TBC1D19: variants seen among roughly 807,000 people sequenced by gnomAD.
The protein encoded by TBC1D19 is TBC1 domain family member 19.
Under a neutral mutation model 89.0 loss-of-function variants are expected in TBC1D19, and 60 were observed. The ratio of observed to expected loss-of-function variants is 0.67; its 90% CI spans 0.55 to 0.84. The LOEUF (loss-of-function observed/expected upper bound fraction) is 0.84. TBC1D19 is among the 40% of genes least tolerant of loss of function. TBC1D19 has a pLI of 0.00. For missense variants in TBC1D19, 500 were observed against 610.8 expected (o/e 0.82, Z 1.91); for synonymous variants, 189 against 199.7 (o/e 0.95, Z 0.45).
intron 3 of TBC1D19, among the ~76,000 whole-genome samples, chr4:26,619,183 C>G (rs1296107715): frequency 1.3e-5 from 2 of 151,432 alleles, no homozygotes; most frequent in African/African-American, 4.8e-5. Context: ...TCAGTAAAGT[C>G]TCTCAAATTT....
At chr4:26,767,401 C>T in the TBC1D19 span, among the ~76,000 whole-genome samples, 895 of 152,138 alleles carry the variant, frequency 5.9e-3, 7 homozygotes, top group Admixed American at 0.018. Flanking sequence ...CATTTCTGTC[C>T]GAGATGGACT....
At chr4:26,771,352 G>T in the TBC1D19 span, among the ~76,000 whole-genome samples, 1 of 152,150 alleles carries the variant, frequency 6.6e-6, no homozygotes, top group Admixed American at 6.5e-5. Flanking sequence ...TTATCCAAAA[G>T]AATTGAAATC....
chr4:26,822,094 C>T, the TBC1D19 span, among the ~76,000 whole-genome samples: 1 of 152,192 alleles, frequency 6.6e-6, no homozygotes, highest in East Asian at 1.9e-4. Flanking sequence ...TGAAAGCTGT[C>T]CCTCATTTGT....
At chr4:26,856,432 G>A in the TBC1D19 span, among the ~76,000 whole-genome samples, 1 of 152,140 alleles carries the variant, frequency 6.6e-6, no homozygotes, top group Admixed American at 6.5e-5. Context: ...ATGCTGAAAT[G>A]AACATGAGAG....
chr4:26,842,662 C>T, the TBC1D19 span, among the ~76,000 whole-genome samples: 6 of 117,000 alleles, frequency 5.1e-5, no homozygotes, highest in African/African-American at 1.6e-4. Context: ...TTCTTCTTTC[C>T]TTTCTTTCTC....
intron 14 of TBC1D19, among the ~76,000 whole-genome samples, chr4:26,719,267 T>C (rs1716833325): frequency 6.6e-6 from 1 of 152,070 alleles, no homozygotes. Flanking sequence ...GCTCACAAGA[T>C]CAATCCTTTT....
At chr4:26,761,501 A>G in the TBC1D19 span, among the ~76,000 whole-genome samples, 25 of 152,060 alleles carry the variant, frequency 1.6e-4, no homozygotes, top group Admixed American at 1.5e-3. Context: ...TCAATTTCCA[A>G]TCTTTTGTTA....
At chr4:26,691,478 C>T (rs1714283082) in intron 13 of TBC1D19, among the ~76,000 whole-genome samples, 1 of 152,112 alleles carries the variant, frequency 6.6e-6, no homozygotes, top group African/African-American at 2.4e-5. Context: ...CACAGCTGCC[C>T]CAATGTTCAG....
At chr4:26,800,948 T>G in the TBC1D19 span, among the ~76,000 whole-genome samples, 1 of 152,226 alleles carries the variant, frequency 6.6e-6, no homozygotes, top group South Asian at 2.1e-4. Context: ...TTTCTCCCAT[T>G]CTGTAGGTTG....
At chr4:26,722,873 TG>T (rs1327671135) in intron 15 of TBC1D19, among the ~76,000 whole-genome samples, 2 of 151,972 alleles carry the variant, frequency 1.3e-5, no homozygotes, top group East Asian at 3.9e-4. Flanking sequence ...AGGCATAGAG[TG>T]TTAACCTGCC....
At chr4:26,592,000 C>T (rs535567816) in intron 1 of TBC1D19, among the ~76,000 whole-genome samples, 257 of 152,270 alleles carry the variant, frequency 1.7e-3, no homozygotes, top group African/African-American at 6.0e-3. Context: ...AGGCCAGCAT[C>T]ATCCTGATAC....
chr4:26,643,141 A>G (rs1019354066), intron 7 of TBC1D19, among the ~76,000 whole-genome samples: 8 of 152,206 alleles, frequency 5.3e-5, no homozygotes, highest in Non-Finnish European at 7.3e-5. Context: ...TCAGCACCAC[A>G]TCGCACTTAT....
intron 15 of TBC1D19, among the ~76,000 whole-genome samples, chr4:26,720,877 G>A (rs1159489087): frequency 1.3e-5 from 2 of 152,090 alleles, no homozygotes; most frequent in Non-Finnish European, 2.9e-5. Flanking sequence ...GATTACATGA[G>A]ATATGGTATA....
intron 4 of TBC1D19, among the ~76,000 whole-genome samples, chr4:26,627,497 G>A (rs1173187897): frequency 5.9e-5 from 9 of 151,776 alleles, no homozygotes; most frequent in South Asian, 2.1e-4. Context: ...CTAGTTTACA[G>A]TCCCACCAAC....
chr4:26,734,994 A>ATGTATACACATATGTATATGTATATG lies in TBC1D19; in HGVS notation c.1085-440_1085-439insATATGTGTATACACATATGTATATGT, dbSNP rs1560503903. 2.2e-3 allele frequency among the ~76,000 whole-genome samples: 235 copies of ATGTATACACATATGTATATGTATATG among 104,498 alleles called. 1 individual carries two copies. In the East Asian group the frequency reaches 0.03, roughly 14 times the overall value. The allele number at this position is 104,498 out of a possible 152,430, so 68.6% of individuals were successfully genotyped here. On this transcript the variant is annotated intron_variant, in intron 15 of 20. Coordinates refer to ENST00000264866, the MANE Select transcript of TBC1D19 (RefSeq NM_018317.4). ...TGTATACACATATGTATATGTATATATGTATACACATATGTATATGTGTAT... is the reference window on the plus strand; with the variant it reads ...TGTATACACATATGTATATGTATATATGTATACACATATGTATATGTATATGTGTATACACATATGTATATGTGTAT...
the TBC1D19 span, among the ~76,000 whole-genome samples, chr4:26,840,167 C>T: frequency 1.1e-4 from 16 of 151,974 alleles, no homozygotes; most frequent in Admixed American, 3.3e-4. Flanking sequence ...CTGCAACCTC[C>T]GCCTCCTGGG....
chr4:26,850,560 A>AAAAAAAAAAAAAAG, the TBC1D19 span, among the ~76,000 whole-genome samples: 2 of 148,590 alleles, frequency 1.3e-5, no homozygotes, highest in Admixed American at 6.8e-5. Context: ...AAAAAAAAAA[A>AAAAAAAAAAAAAAG]AAGAAGAAGA....
the TBC1D19 span, among the ~76,000 whole-genome samples, chr4:26,822,574 G>C: frequency 6.6e-6 from 1 of 152,100 alleles, no homozygotes; most frequent in African/African-American, 2.4e-5. Context: ...AGGAAAAAAG[G>C]CTGCCAGTGG....
At chr4:26,786,559 G>A in the TBC1D19 span, among the ~76,000 whole-genome samples, 1 of 152,144 alleles carries the variant, frequency 6.6e-6, no homozygotes, top group Admixed American at 6.5e-5. Context: ...ACTAGAAAAG[G>A]AGAAGTATTT....
Sources: allele counts gnomAD v4.1 joint callset (sites outside exome capture counted in the v4.1 genomes callset), GRCh38; gene constraint gnomAD v4.1.1; transcripts MANE v1.5; gene names NCBI Gene and HGNC (gene_info 2026-07-23, HGNC 2026-07-21).